USP34: variants seen among roughly 807,000 people sequenced by gnomAD.
The protein encoded by USP34 is ubiquitin specific peptidase 34.
USP34 carries 70 observed loss-of-function variants against 460.3 expected under a neutral mutation model. The ratio of observed to expected loss-of-function variants is 0.15; its 90% confidence interval spans 0.13 to 0.19. The LOEUF (loss-of-function observed/expected upper bound fraction) is 0.19, where lower values mean the gene tolerates loss of function less well. Among genes scored for constraint, USP34 ranks in the 10% least tolerant of loss-of-function variants. USP34 has a pLI of 1.00. For missense variants in USP34, 3,985 were observed against 4,236.2 expected (o/e 0.94, Z 1.65); for synonymous variants, 1,647 against 1,405.3 (o/e 1.17, Z -3.85).
chr2:61,210,743 G>A (rs1439975875), intron 69 of USP34, among the ~76,000 whole-genome samples: 4 of 151,334 alleles, frequency 2.6e-5, no homozygotes, highest in Non-Finnish European at 5.9e-5. Context: ...TTTGAGACTC[G>A]CTCTGTCACC....
At position 61,188,551 on chromosome 2, in the gene USP34, G is replaced by C. The variant is rs1232501265; in HGVS notation, c.10192C>G (p.Pro3398Ala). The change falls in exon 80 of 80, where the codon CCA (proline) becomes GCA (alanine). Residue 3398 changes from proline (P) to alanine (A), a missense_variant. This residue lies in a region of USP34 where 506 missense variants were observed against 439.0 expected (regional missense o/e 1.15). Transcript: ENST00000398571. ...NETRDSSIID[P>A]GTEQDLPSPE... ...GAAGGAAGATCTTGCTCAGTTCCTG[G>C]ATCAATAATTGAGGAGTCTCTGGTC... is the stretch of plus-strand genomic sequence containing the variant. 6.2e-7 allele frequency: 1 copy of C among 1,614,060 alleles called. No homozygotes were observed. Among genetic ancestry groups the C allele is most frequent in the African/African-American group, 1.3e-5 (1 of 74,912 alleles).
intron 61 of USP34, among the ~76,000 whole-genome samples, chr2:61,227,612 G>A (rs1687766150): frequency 6.6e-6 from 1 of 152,128 alleles, no homozygotes; most frequent in Non-Finnish European, 1.5e-5. Context: ...TCGGGAGGCT[G>A]AGGCAGGAAA....
At chr2:61,193,013 A>G (rs749419530) in intron 75 of USP34, 33 bp from the exon 76 acceptor site, 1 of 1,526,626 alleles carries the variant, frequency 6.6e-7, no homozygotes, top group South Asian at 1.2e-5. Context: ...AATAGGTTAT[A>G]ATTATAAATT....
At chr2:61,246,562 A>G in intron 49 of USP34, 85 bp from the exon 50 acceptor site, 1 of 897,604 alleles carries the variant, frequency 1.1e-6, no homozygotes, top group South Asian at 4.3e-5. Context: ...AACTTTATCA[A>G]TTACAATATT....
chr2:61,292,969 T>C (rs1167342973), intron 33 of USP34, among the ~76,000 whole-genome samples: 1 of 152,106 alleles, frequency 6.6e-6, no homozygotes, highest in Non-Finnish European at 1.5e-5. Context: ...TATTATAAAA[T>C]ACAGCAACAA....
chr2:61,299,180 G>A (rs368538867), intron 29 of USP34, among the ~76,000 whole-genome samples: 1 of 152,090 alleles, frequency 6.6e-6, no homozygotes, highest in South Asian at 2.1e-4. Context: ...AAGGCTCAAT[G>A]GCAGCCCACT....
chr2:61,212,722 A>T (rs894662529), intron 68 of USP34, among the ~76,000 whole-genome samples: 1 of 152,206 alleles, frequency 6.6e-6, no homozygotes, highest in South Asian at 2.1e-4. Context: ...GAAAATTTCT[A>T]ATAGATAAGG....
rs1159796776 is a variant in USP34 at position 61,371,930 on chromosome 2, C to T, written c.1077-1351G>A. On this transcript the variant is annotated intron_variant, in intron 8 of 79. Coordinates refer to ENST00000398571, the MANE Select transcript of USP34 (RefSeq NM_014709.4). ...TAAGTACAGTAAGATGCTGTACAGG[C>T]TTGGAGTCAAGCAGCAACAGGTTAT... 3.9e-5 allele frequency among the ~76,000 whole-genome samples: 6 copies of T among 152,184 alleles called. No individual in the cohort carries two copies. The South Asian group carries it at 1.2e-3, about 32-fold the overall frequency.
rs901011883 is a variant in USP34, at chr2:61,270,786, C to T, written c.5434-4619G>A. On this transcript the variant is annotated intron_variant, in intron 41 of 79. Transcript: ENST00000398571. ...GCCTGAACAGACTAAGACAATAATG[C>T]TTTCATTTTATATATAAAAATAATT... 2.0e-5 allele frequency among the ~76,000 whole-genome samples: 3 copies of T among 152,036 alleles called. No individual in the cohort carries two copies. In the East Asian group the frequency reaches 5.8e-4, roughly 29 times the overall value.
chr2:61,292,606 T>G (rs571422874), intron 33 of USP34, among the ~76,000 whole-genome samples: 3 of 152,262 alleles, frequency 2.0e-5, no homozygotes, highest in South Asian at 4.1e-4. Flanking sequence ...ATAAGATTAC[T>G]TGATGTCAAA....
At chr2:61,388,423 A>G (rs946293947) in intron 5 of USP34, among the ~76,000 whole-genome samples, 1 of 149,812 alleles carries the variant, frequency 6.7e-6, no homozygotes, top group Non-Finnish European at 1.5e-5. Context: ...GAAAATATGC[A>G]TACTCGAGGG....
At chr2:61,284,157 T>C (rs913710641) in intron 35 of USP34, among the ~76,000 whole-genome samples, 5 of 152,112 alleles carry the variant, frequency 3.3e-5, no homozygotes, top group Admixed American at 1.3e-4. Flanking sequence ...GAATAAAACA[T>C]TGACTGAAAT....
In USP34 at chr2:61,470,925, G is replaced by A. The variant is rs972634826; in HGVS notation, c.-233C>T. ...GGAGCGAGGGGAGGTGCGCAGGCCG[G>A]AGGGGCGCCGAGGCGCCGGCGGCGG... On this transcript the variant is annotated 5_prime_UTR_variant, in exon 1 of 80. Transcript: ENST00000398571. Among the ~76,000 whole-genome samples, 1 of 135,564 alleles carries A rather than the reference G, an allele frequency of 7.4e-6. No homozygotes were observed. The highest frequency in any genetic ancestry group is 1.6e-5 in the Non-Finnish European group (1 of 61,912). The allele number at this position is 135,564 out of a possible 152,430, so 88.9% of individuals were successfully genotyped here.
intron 10 of USP34, among the ~76,000 whole-genome samples, chr2:61,354,290 A>G (rs534535966): frequency 6.6e-6 from 1 of 152,324 alleles, no homozygotes; most frequent in East Asian, 1.9e-4. Context: ...CCTCGATAAG[A>G]TTATCAGCGA....
chr2:61,202,092 C>T (rs1295305567), intron 75 of USP34, among the ~76,000 whole-genome samples: 1 of 152,200 alleles, frequency 6.6e-6, no homozygotes, highest in Non-Finnish European at 1.5e-5. Flanking sequence ...TAAAAATGCT[C>T]TAATCACTTG....
intron 5 of USP34, among the ~76,000 whole-genome samples, chr2:61,386,871 C>A (rs1487768282): frequency 6.6e-6 from 1 of 152,088 alleles, no homozygotes; most frequent in Non-Finnish European, 1.5e-5. Flanking sequence ...AAATGAAAAC[C>A]TTAACCATAA....
intron 49 of USP34, 38 bp downstream of exon 49, chr2:61,248,473 C>A: frequency 6.6e-7 from 1 of 1,505,974 alleles, no homozygotes; most frequent in Non-Finnish European, 8.9e-7. Context: ...TGGAGATTGA[C>A]AATAATCACA....
chr2:61,435,894 G>A (rs1694799897), intron 1 of USP34, among the ~76,000 whole-genome samples: 1 of 152,076 alleles, frequency 6.6e-6, no homozygotes, highest in Non-Finnish European at 1.5e-5. Context: ...CGGGCATGGT[G>A]GAGTGCGCCT....
intron 50 of USP34, among the ~76,000 whole-genome samples, chr2:61,245,509 G>T (rs2103868123): frequency 6.6e-6 from 1 of 150,624 alleles, no homozygotes. Flanking sequence ...TTATGACCTA[G>T]GATTAACAAA....
Sources: gnomAD v4.1 joint callset for allele counts (sites outside exome capture counted in the v4.1 genomes callset) on GRCh38, gnomAD v4.1.1 for gene constraint, gnomAD v4.1.1 regional missense constraint, MANE v1.5 for transcripts, NCBI Gene and HGNC (gene_info 2026-07-23, HGNC 2026-07-21) for gene names.